Variants in PRPF8 observed in about 807,000 individuals in gnomAD.
The protein encoded by PRPF8 is pre-mRNA processing factor 8, also known as pre-mRNA-processing-splicing factor 8.
In PRPF8, 64 loss-of-function variants were observed where a neutral mutation model predicts 285.9. The ratio of observed to expected loss-of-function variants is 0.22; its 90% CI spans 0.18 to 0.28. The LOEUF is 0.28. PRPF8 is among the 10% of genes least tolerant of loss of function. The pLI is 1.00. For synonymous variants in PRPF8, 1,325 were observed against 1,118.2 expected, an observed-to-expected ratio of 1.18 and a Z score of -3.69; for missense variants, 1,426 against 3,026.7, an observed-to-expected ratio of 0.47 and a Z score of 12.41.
At chr17:1,662,828 C>CT (rs1911741607) in intron 24 of PRPF8, among the ~76,000 whole-genome samples, 1 of 127,290 alleles carries the variant, frequency 7.9e-6, no homozygotes, top group Admixed American at 7.9e-5. Context: ...AAGACTGTGT[C>CT]TCAAAAAAAA....
In PRPF8 at chr17:1,678,661, C is replaced by T; in HGVS notation, c.1720-9G>A. The T allele has an allele frequency of 6.2e-7, 1 of 1,614,212 alleles. No homozygotes were observed. Among genetic ancestry groups the T allele is most frequent in the Non-Finnish European group, 8.5e-7 (1 of 1,180,040 alleles). On this transcript the variant is annotated splice_polypyrimidine_tract_variant and intron_variant, in intron 12 of 42. Coordinates refer to ENST00000304992, the MANE Select transcript of PRPF8 (RefSeq NM_006445.4). Reference sequence around the variant, plus strand: ...TGCAATCCATCTGCCAGCTGCAATACAATTGCCCCATCAGACCTGGAGCTT... The same window carrying T: ...TGCAATCCATCTGCCAGCTGCAATATAATTGCCCCATCAGACCTGGAGCTT...
intron 3 of PRPF8, 45 bp from the exon 4 acceptor site, chr17:1,682,338 T>G: frequency 6.3e-7 from 1 of 1,593,790 alleles, no homozygotes; most frequent in Non-Finnish European, 8.6e-7. Context: ...TGACGAGGTG[T>G]TCTGCTACCT....
In PRPF8 at chr17:1,679,195, C is replaced by T. The variant is rs1200667237; in HGVS notation, c.1421G>A (p.Arg474His). Residue 474 changes from arginine (R) to histidine (H), a missense_variant, in exon 11 of 43, where the codon CGC becomes CAC. Around this residue, in one of 34 missense-constraint regions of PRPF8, gnomAD observed 137 missense variants for 161.2 expected, o/e 0.85. Coordinates refer to ENST00000304992, the MANE Select transcript of PRPF8 (RefSeq NM_006445.4). This position sits in a 1 kb window ranked among gnomAD's most constrained non-coding sequence, Gnocchi z 4.7. ...PKAQKKRYLF[R>H]SFKATKFFQS... The stretch of plus-strand genomic sequence containing the variant: ...AAAGAATTTGGTGGCTTTGAAGGAG[C>T]GGAACAAATACCTGAGGTGGGAACA... The T allele has an allele frequency of 5.6e-6, 9 of 1,614,102 alleles. No individual in the cohort carries two copies. Among genetic ancestry groups the T allele is most frequent in the South Asian group, 1.1e-5 (1 of 91,080 alleles).
At chr17:1,665,159 CAA>C (rs562789942) in intron 24 of PRPF8, among the ~76,000 whole-genome samples, 880 of 53,462 alleles carry the variant, frequency 0.016, 11 homozygotes, top group African/African-American at 0.051. Flanking sequence ...GACTCTGCCT[CAA>C]AAAAAAAAAA....
chr17:1,650,790 G>A lies in PRPF8; in HGVS notation c.*12C>T. 1 of 1,613,656 alleles carries A rather than the reference G, an allele frequency of 6.2e-7. No homozygotes were observed. Among genetic ancestry groups the A allele is most frequent in the Non-Finnish European group, 8.5e-7 (1 of 1,179,918 alleles). ...CGGCCTCGGGAGGCTGAAGCAGGAGGCAGGGAAACGGTCAGGCATACAGGT... is the reference window on the plus strand; with the variant it reads ...CGGCCTCGGGAGGCTGAAGCAGGAGACAGGGAAACGGTCAGGCATACAGGT... On this transcript the variant is annotated 3_prime_UTR_variant, in exon 43 of 43. Coordinates refer to ENST00000304992, the MANE Select transcript of PRPF8 (RefSeq NM_006445.4).
intron 30 of PRPF8, 33 bp from the exon 31 acceptor site, chr17:1,660,034 T>C (rs765986840): frequency 6.2e-7 from 1 of 1,606,174 alleles, no homozygotes; most frequent in East Asian, 2.2e-5. Flanking sequence ...TAAGACTTGT[T>C]AAGGAAGCCC....
chr17:1,665,180 AG>A (rs1911896869), intron 24 of PRPF8, among the ~76,000 whole-genome samples: 1 of 148,430 alleles, frequency 6.7e-6, no homozygotes, highest in African/African-American at 2.5e-5. Context: ...AAAAAAAAAA[AG>A]GGAGGAATGC....
Position 1,653,531 on chromosome 17 carries a change from CACTT to C in PRPF8, c.6369+7_6369+10del. ...GCACACACTGTGGCCTAGCTGAGTCCACTTACTCACTTGGGCCCGAAGGTCAGAT... is the reference window on the plus strand; with the variant it reads ...GCACACACTGTGGCCTAGCTGAGTCCACTCACTTGGGCCCGAAGGTCAGAT... On this transcript the variant is annotated splice_region_variant and intron_variant, in intron 39 of 42. Coordinates refer to ENST00000304992, the MANE Select transcript of PRPF8 (RefSeq NM_006445.4). The surrounding 1 kb of genome is among the most constrained non-coding windows in gnomAD (Gnocchi z 4.9). 1 of 1,614,172 alleles carries C rather than the reference CACTT, an allele frequency of 6.2e-7. No homozygotes were observed. Among genetic ancestry groups the C allele is most frequent in the Non-Finnish European group, 8.5e-7 (1 of 1,180,022 alleles).
chr17:1,674,544 T>C lies in PRPF8; in HGVS notation c.3197A>G (p.Gln1066Arg). Reference protein sequence around the residue: ...HRASEMAGPPQMPNDFLSFQD... With the variant: ...HRASEMAGPPRMPNDFLSFQD... The stretch of plus-strand genomic sequence containing the variant: ...GAAACTGAGAAAGTCATTTGGCATC[T>C]GAGGGGGCCCAGCCATCTCACTGGC... The change falls in exon 21 of 43, where the codon CAG becomes CGG. Residue 1066 changes from glutamine to arginine, a missense_variant. Physicochemically the swap from Gln to Arg is conservative, Grantham distance 43. Transcript: ENST00000304992. 1 of 1,614,154 alleles carries C rather than the reference T, an allele frequency of 6.2e-7. No individual in the cohort carries two copies. Among genetic ancestry groups the C allele is most frequent in the Non-Finnish European group, 8.5e-7 (1 of 1,180,034 alleles).
Position 1,659,564 on chromosome 17 carries a change from G to A in PRPF8, c.4947-16C>T, listed in dbSNP as rs1911575426. ...CATCACATCCCTGAGGATGAAGAGG[G>A]TTCAAGCTTCTAAGAAACCATGGGC... On this transcript the variant is annotated splice_polypyrimidine_tract_variant and intron_variant, in intron 31 of 42. Transcript: ENST00000304992. The surrounding 1 kb of genome is among the most constrained non-coding windows in gnomAD (Gnocchi z 5.1). 1 of 1,611,416 alleles carries A rather than the reference G, an allele frequency of 6.2e-7. No homozygotes were observed.
chr17:1,683,773 A>C, intron 2 of PRPF8, 72 bp from the exon 3 acceptor site: 1 of 1,577,150 alleles, frequency 6.3e-7, no homozygotes, highest in South Asian at 1.1e-5. Context: ...CCCTAGGGTA[A>C]GCTCCTGTCA....
At chr17:1,662,221 T>C in intron 24 of PRPF8, 68 bp from the exon 25 acceptor site, 1 of 1,562,344 alleles carries the variant, frequency 6.4e-7, no homozygotes, top group Non-Finnish European at 8.8e-7. Flanking sequence ...GACTACTTGA[T>C]GCAGTTAGTT....
intron 24 of PRPF8, among the ~76,000 whole-genome samples, chr17:1,665,430 C>T (rs1227694352): frequency 6.6e-6 from 1 of 151,084 alleles, no homozygotes; most frequent in East Asian, 2.0e-4. Context: ...CCCAGCTACT[C>T]AGGAGGCTGA....
intron 24 of PRPF8, 128 bp from the exon 25 acceptor site, chr17:1,662,281 G>T: frequency 9.0e-7 from 1 of 1,115,248 alleles, no homozygotes; most frequent in Non-Finnish European, 1.3e-6. Context: ...TTAGTCACTA[G>T]GGAAATAGAA....
At chr17:1,665,282 G>A (rs1173192508) in intron 24 of PRPF8, among the ~76,000 whole-genome samples, 3 of 151,970 alleles carry the variant, frequency 2.0e-5, no homozygotes, top group Non-Finnish European at 4.4e-5. Context: ...GCTCACCCCT[G>A]TAATCCCAGC....
intron 24 of PRPF8, among the ~76,000 whole-genome samples, chr17:1,663,085 T>C (rs79794787): frequency 7.8e-4 from 119 of 152,302 alleles, no homozygotes; most frequent in African/African-American, 2.7e-3. Flanking sequence ...GAACTTAAAG[T>C]GTATTATTCT....
Position 1,659,705 on chromosome 17 carries a change from T to C in PRPF8, c.4946+136A>G, listed in dbSNP as rs72820380. The C allele has an allele frequency of 0.017, 23,530 of 1,366,318 alleles. 265 individuals are homozygous for C. The highest frequency in any genetic ancestry group is 0.021 in the Non-Finnish European group (21,081 of 982,928). 84.6% of individuals were successfully genotyped at this position (1,366,318 alleles called of 1,614,324 possible). On this transcript the variant is annotated intron_variant, in intron 31 of 42. Transcript: ENST00000304992. The surrounding 1 kb of genome is among the most constrained non-coding windows in gnomAD (Gnocchi z 5.1). ...GAATCAGCAGATCTGACTAAGGGTG[T>C]TGACAGGCTCCAAGCGTAGCACTGG...
Position 1,651,750 on chromosome 17 carries a change from G to T in PRPF8, c.6408C>A (p.Asn2136Lys), listed in dbSNP as rs770840756. Residue 2136 changes from asparagine to lysine, a missense_variant, in exon 40 of 43, where the codon AAC (asparagine) becomes AAA (lysine). Coordinates refer to ENST00000304992, the MANE Select transcript of PRPF8 (RefSeq NM_006445.4). The surrounding 1 kb of genome is among the most constrained non-coding windows in gnomAD (Gnocchi z 5.1). ...GYLYGVSPPDNPQVKEIRCIV... is the reference protein window; with the variant it reads ...GYLYGVSPPDKPQVKEIRCIV... Reference sequence around the variant, plus strand: ...TGCAGCGGATCTCCTTCACCTGGGGGTTATCTGGTGGGCTCACCCCATATA... The same window carrying T: ...TGCAGCGGATCTCCTTCACCTGGGGTTTATCTGGTGGGCTCACCCCATATA... The T allele has an allele frequency of 6.2e-7, 1 of 1,614,138 alleles. No homozygotes were observed. Among genetic ancestry groups the T allele is most frequent in the Non-Finnish European group, 8.5e-7 (1 of 1,180,022 alleles).
chr17:1,683,813 AG>A lies in PRPF8; in HGVS notation c.101-113del, dbSNP rs1010244565. The A allele has an allele frequency of 1.1e-5, 14 of 1,269,426 alleles. No homozygotes were observed. In the African/African-American group the frequency reaches 1.6e-4, roughly 15 times the overall value. 78.6% of individuals were successfully genotyped at this position (1,269,426 alleles called of 1,614,324 possible). A position where few individuals can be genotyped will look rare whatever the true frequency, so the allele number is the denominator to read the frequency against. ...GTGTGAGGGAGAAGCAGGCACCAGC[AG>A]GAAGAAGCACCCCTTGCCAATTCCC... On this transcript the variant is annotated intron_variant, in intron 2 of 42. Transcript: ENST00000304992.
Sources: gnomAD v4.1 joint callset for allele counts (sites outside exome capture counted in the v4.1 genomes callset) on GRCh38, gnomAD v4.1.1 for gene constraint, gnomAD v4.1.1 regional missense constraint, Gnocchi (gnomAD v3.1) non-coding constraint, MANE v1.5 for transcripts, NCBI Gene and HGNC (gene_info 2026-07-23, HGNC 2026-07-21) for gene names.